The following EPHA3 variants were observed in gnomAD, a reference collection of about 807,000 sequenced individuals.
EPHA3 encodes EPH receptor A3.
Under a neutral mutation model 107.1 loss-of-function variants are expected in EPHA3, and 42 were observed. The ratio of observed to expected loss-of-function variants is 0.39; its 90% CI spans 0.31 to 0.51. The LOEUF (loss-of-function observed/expected upper bound fraction) is 0.51, where lower values mean the gene tolerates loss of function less well. EPHA3 is among the 20% of genes least tolerant of loss of function. The pLI is 0.78. For synonymous variants in EPHA3, 461 were observed against 424.8 expected, an observed-to-expected ratio of 1.09 and a Z score of -1.05; for missense variants, 1,183 against 1,211.2, an observed-to-expected ratio of 0.98 and a Z score of 0.35.
At chr3:89,478,519 T>TTAGC (rs1471452925) in intron 16 of EPHA3, among the ~76,000 whole-genome samples, 4 of 152,192 alleles carry the variant, frequency 2.6e-5, no homozygotes, top group Admixed American at 2.0e-4. Context: ...CTTGGTACAG[T>TTAGC]TAGCTGTACA....
chr3:89,358,000 C>T (rs1219404894), intron 5 of EPHA3, among the ~76,000 whole-genome samples: 1 of 151,122 alleles, frequency 6.6e-6, no homozygotes, highest in East Asian at 1.9e-4. Context: ...GGTTTTACAA[C>T]TATTCATATG....
At chr3:89,319,892 C>T (rs753590725) in intron 3 of EPHA3, among the ~76,000 whole-genome samples, 44 of 151,730 alleles carry the variant, frequency 2.9e-4, no homozygotes, top group Non-Finnish European at 5.2e-4. Flanking sequence ...TTTTAAAACT[C>T]GTGGGCTTGT....
rs943796489 is a variant in EPHA3 at position 89,187,198 on chromosome 3, A to G, written c.154-22662A>G. Among the ~76,000 whole-genome samples the G allele has an allele frequency of 6.4e-5, 9 of 140,436 alleles. 1 individual carries two copies. Among genetic ancestry groups the G allele is most frequent in the Admixed American group, 1.4e-4 (2 of 14,166 alleles). 92.1% of individuals were successfully genotyped at this position (140,436 alleles called of 152,430 possible). A position where few individuals can be genotyped will look rare whatever the true frequency, so the allele number is the denominator to read the frequency against. On this transcript the variant is annotated intron_variant, in intron 2 of 16. Transcript: ENST00000336596. ...TAAAAGCCCTTTCTTATTACATCAA[A>G]TTTGTGTTTTTGAAAAGCAAACATA... is the stretch of plus-strand genomic sequence containing the variant.
chr3:89,461,034 A>T (rs1456919702), intron 15 of EPHA3, among the ~76,000 whole-genome samples: 1 of 110,372 alleles, frequency 9.1e-6, no homozygotes, highest in Non-Finnish European at 1.8e-5. Context: ...TGTCCATGTG[A>T]TCTCATTGTT....
intron 3 of EPHA3, among the ~76,000 whole-genome samples, chr3:89,303,792 A>C (rs1706547150): frequency 6.6e-6 from 1 of 152,160 alleles, no homozygotes; most frequent in African/African-American, 2.4e-5. Context: ...CACCAGAAAG[A>C]AAGCAAGTGA....
chr3:89,290,869 G>A (rs1299299503), intron 3 of EPHA3, among the ~76,000 whole-genome samples: 1 of 152,124 alleles, frequency 6.6e-6, no homozygotes, highest in Admixed American at 6.6e-5. Context: ...CACAAGCCAA[G>A]TTGTTAGATG....
At chr3:89,298,231 C>A (rs1706406840) in intron 3 of EPHA3, among the ~76,000 whole-genome samples, 1 of 152,088 alleles carries the variant, frequency 6.6e-6, no homozygotes, top group South Asian at 2.1e-4. Flanking sequence ...TGGCACTCTG[C>A]TAAAAACTGA....
At chr3:89,366,714 T>C (rs75520967) in intron 5 of EPHA3, among the ~76,000 whole-genome samples, 2,267 of 150,762 alleles carry the variant, frequency 0.015, 61 homozygotes, top group African/African-American at 0.052. Flanking sequence ...GGGAAACAGT[T>C]ATCTACAAAG....
At chr3:89,455,314 T>A (rs1006772584) in intron 15 of EPHA3, among the ~76,000 whole-genome samples, 106 of 152,192 alleles carry the variant, frequency 7.0e-4, no homozygotes, top group Non-Finnish European at 4.4e-5. Context: ...TGTAACCTCC[T>A]CCTCACCAAA....
At chr3:89,394,100 A>G (rs1340554550) in intron 5 of EPHA3, among the ~76,000 whole-genome samples, 1 of 152,196 alleles carries the variant, frequency 6.6e-6, no homozygotes, top group Non-Finnish European at 1.5e-5. Flanking sequence ...AGCAACACCT[A>G]CATTTTTCCT....
chr3:89,406,645 T>G (rs1559684300), intron 7 of EPHA3, among the ~76,000 whole-genome samples: 1 of 152,136 alleles, frequency 6.6e-6, no homozygotes, highest in East Asian at 1.9e-4. Context: ...TTACAACTGT[T>G]AAAAGAAATG....
intron 5 of EPHA3, among the ~76,000 whole-genome samples, chr3:89,372,952 T>A (rs980815154): frequency 1.3e-5 from 2 of 151,772 alleles, no homozygotes; most frequent in South Asian, 4.1e-4. Context: ...AGTAGTTTGA[T>A]CAAATACATA....
intron 2 of EPHA3, among the ~76,000 whole-genome samples, chr3:89,185,080 T>C (rs1358196325): frequency 6.6e-6 from 1 of 152,076 alleles, no homozygotes; most frequent in Non-Finnish European, 1.5e-5. Flanking sequence ...GTGAAGGTAG[T>C]ATATGACTGG....
At chr3:89,453,602 A>T (rs942927674) in intron 15 of EPHA3, among the ~76,000 whole-genome samples, 4 of 152,204 alleles carry the variant, frequency 2.6e-5, no homozygotes, top group African/African-American at 9.6e-5. Flanking sequence ...AAAATGCACG[A>T]TGGGTTAGAT....
At chr3:89,160,776 A>C (rs1388530204) in intron 2 of EPHA3, among the ~76,000 whole-genome samples, 1 of 152,000 alleles carries the variant, frequency 6.6e-6, no homozygotes, top group East Asian at 1.9e-4. Flanking sequence ...CCATCAGCAA[A>C]ATTTTCACTT....
chr3:89,260,924 G>A (rs866111792), intron 3 of EPHA3, among the ~76,000 whole-genome samples: 2 of 152,090 alleles, frequency 1.3e-5, no homozygotes, highest in African/African-American at 2.4e-5. Flanking sequence ...CTTTGAGGCC[G>A]TCCTGCTATT....
At chr3:89,312,035 A>G (rs1706776285) in intron 3 of EPHA3, among the ~76,000 whole-genome samples, 1 of 152,022 alleles carries the variant, frequency 6.6e-6, no homozygotes, top group African/African-American at 2.4e-5. Context: ...CAAATAAAAG[A>G]CATAGAGGTA....
intron 2 of EPHA3, among the ~76,000 whole-genome samples, chr3:89,182,773 A>C (rs1160891443): frequency 2.0e-5 from 3 of 151,918 alleles, no homozygotes; most frequent in Non-Finnish European, 4.4e-5. Flanking sequence ...CATCTGTACC[A>C]ATGTCAGGGA....
At chr3:89,109,080 C>T (rs557852214) in intron 1 of EPHA3, among the ~76,000 whole-genome samples, 1 of 152,168 alleles carries the variant, frequency 6.6e-6, no homozygotes, top group South Asian at 2.1e-4. Flanking sequence ...TACTCGGTGA[C>T]CTACTTTCAC....
Sources: gnomAD v4.1 joint callset for allele counts (sites outside exome capture counted in the v4.1 genomes callset) on GRCh38, gnomAD v4.1.1 for gene constraint, MANE v1.5 for transcripts, NCBI Gene and HGNC (gene_info 2026-07-23, HGNC 2026-07-21) for gene names.